TBCK: variants seen among roughly 807,000 people sequenced by gnomAD.
TBCK encodes the protein TBC1 domain containing kinase.
Under a neutral mutation model 113.4 loss-of-function variants are expected in TBCK, and 99 were observed. The ratio of observed to expected loss-of-function variants is 0.87; its 90% CI spans 0.74 to 1.03. TBCK has a LOEUF of 1.03. Among genes scored for constraint, TBCK ranks in the 50% least tolerant of loss-of-function variants. The pLI is 0.00. For synonymous variants in TBCK, 369 were observed against 370.8 expected (o/e 1.00, Z 0.05); for missense variants, 1,045 against 1,061.3 (o/e 0.98, Z 0.21).
chr4:106,227,841 A>G (rs1269649569), intron 19 of TBCK, among the ~76,000 whole-genome samples: 1 of 152,008 alleles, frequency 6.6e-6, no homozygotes, highest in Admixed American at 6.6e-5. Context: ...TTGAAAGGAT[A>G]TAAAACAGTA....
chr4:106,315,179 C>A (rs1211255453), intron 1 of TBCK, among the ~76,000 whole-genome samples: 1 of 152,074 alleles, frequency 6.6e-6, no homozygotes, highest in Admixed American at 6.6e-5. Flanking sequence ...AGGGAAACAG[C>A]AGTGCAAGCA....
At chr4:106,171,649 G>A (rs1377518803) in intron 22 of TBCK, among the ~76,000 whole-genome samples, 3 of 152,046 alleles carry the variant, frequency 2.0e-5, no homozygotes, top group Non-Finnish European at 4.4e-5. Flanking sequence ...CTTTTCCAAT[G>A]TGAAACAAAA....
At chr4:106,057,932 G>A (rs1180808652) in intron 25 of TBCK, among the ~76,000 whole-genome samples, 1 of 151,670 alleles carries the variant, frequency 6.6e-6, no homozygotes, top group African/African-American at 2.4e-5. Flanking sequence ...CCATTTGTAG[G>A]CATTCACTGT....
chr4:106,283,919 G>A (rs1207006308), intron 3 of TBCK, among the ~76,000 whole-genome samples: 1 of 152,152 alleles, frequency 6.6e-6, no homozygotes, highest in Admixed American at 6.5e-5. Flanking sequence ...CTGTTTGTTA[G>A]TGAAGATTTA....
At chr4:106,172,373 C>A (rs1483054715) in intron 22 of TBCK, among the ~76,000 whole-genome samples, 1 of 151,936 alleles carries the variant, frequency 6.6e-6, no homozygotes, top group Non-Finnish European at 1.5e-5. Flanking sequence ...TTTAGGAGGC[C>A]AACAGTCCTG....
chr4:106,234,415 G>A (rs1759222233), intron 15 of TBCK, among the ~76,000 whole-genome samples: 1 of 152,076 alleles, frequency 6.6e-6, no homozygotes, highest in Non-Finnish European at 1.5e-5. Context: ...TTCAAACAGA[G>A]GATTGAAAAG....
chr4:106,152,366 A>G (rs59784613), intron 23 of TBCK, among the ~76,000 whole-genome samples: 27,476 of 151,870 alleles, frequency 0.18, 2,476 homozygotes, highest in South Asian at 0.25. Context: ...ACCTTATTCT[A>G]TTGATATGAC....
At chr4:106,179,439 T>A (rs1348801344) in intron 22 of TBCK, among the ~76,000 whole-genome samples, 4 of 152,008 alleles carry the variant, frequency 2.6e-5, no homozygotes, top group Non-Finnish European at 5.9e-5. Flanking sequence ...ATATTTCCAT[T>A]TTCATTTGCA....
At position 106,041,791 on chromosome 4, in the gene TBCK, T is replaced by C. The variant is rs553804296; in HGVS notation, c.*4779A>G. The C allele has an allele frequency of 3.9e-5, 6 of 152,310 alleles. No individual in the cohort carries two copies. Among genetic ancestry groups the C allele is most frequent in the South Asian group, 2.1e-4 (1 of 4,832 alleles). 9.4% of individuals were successfully genotyped at this position (152,310 alleles called of 1,614,324 possible). On this transcript the variant is annotated 3_prime_UTR_variant, in exon 26 of 26. Transcript: ENST00000394708. Reference sequence around the variant, plus strand: ...AGCTATACAGATCACAATCTATCTATAGAACACTGAATATGCCAAGATCCA... The same window carrying C: ...AGCTATACAGATCACAATCTATCTACAGAACACTGAATATGCCAAGATCCA...
chr4:106,096,165 TG>T (rs1326735070), intron 24 of TBCK, among the ~76,000 whole-genome samples: 1 of 152,224 alleles, frequency 6.6e-6, no homozygotes. Context: ...TTTATGATCA[TG>T]GGTAGATTAC....
At chr4:106,050,993 TTC>T (rs1734744596) in intron 25 of TBCK, among the ~76,000 whole-genome samples, 2 of 151,990 alleles carry the variant, frequency 1.3e-5, no homozygotes. Context: ...CTATCTTGTT[TTC>T]TCTCTTTATC....
chr4:106,066,379 G>A (rs1736637576), intron 25 of TBCK, among the ~76,000 whole-genome samples: 1 of 151,866 alleles, frequency 6.6e-6, no homozygotes, highest in Non-Finnish European at 1.5e-5. Context: ...ACCTTCAGAG[G>A]TTAAAAAAGA....
chr4:106,231,630 G>T, intron 18 of TBCK, 99 bp downstream of exon 18: 1 of 1,026,180 alleles, frequency 9.7e-7, no homozygotes, highest in South Asian at 1.5e-5. Context: ...ACCAGGGAGA[G>T]AATAAGAGCC....
At chr4:106,303,446 T>C (rs1657877110) in intron 2 of TBCK, among the ~76,000 whole-genome samples, 1 of 152,180 alleles carries the variant, frequency 6.6e-6, no homozygotes, top group Admixed American at 6.5e-5. Flanking sequence ...CACAATTTTA[T>C]ATGTAATTTG....
intron 2 of TBCK, among the ~76,000 whole-genome samples, chr4:106,302,951 G>T (rs1259985027): frequency 1.3e-5 from 2 of 152,146 alleles, no homozygotes; most frequent in Non-Finnish European, 2.9e-5. Context: ...TTAACTCACT[G>T]AAAGTTATTT....
intron 5 of TBCK, among the ~76,000 whole-genome samples, chr4:106,258,627 T>G (rs776580712): frequency 4.6e-5 from 7 of 151,976 alleles, no homozygotes; most frequent in Non-Finnish European, 8.8e-5. Context: ...CTTTCTTCGA[T>G]TCATCACTGA....
intron 13 of TBCK, 24 bp from the exon 14 acceptor site, chr4:106,236,543 A>T (rs1759487859): frequency 9.3e-6 from 3 of 322,860 alleles, no homozygotes; most frequent in Admixed American, 7.0e-5. Context: ...CAAAAGCAAT[A>T]AAAAAAAAAA....
chr4:106,203,768 C>T (rs1755146567), intron 20 of TBCK, among the ~76,000 whole-genome samples: 1 of 151,962 alleles, frequency 6.6e-6, no homozygotes, highest in African/African-American at 2.4e-5. Context: ...CTACAAAAAA[C>T]TTTTCAAAAT....
chr4:106,080,748 G>A (rs1239131799), intron 25 of TBCK, among the ~76,000 whole-genome samples: 3 of 151,968 alleles, frequency 2.0e-5, no homozygotes, highest in Non-Finnish European at 4.4e-5. Flanking sequence ...CCTACAAAAT[G>A]GAAGAAAATT....
Sources: gnomAD v4.1 joint callset for allele counts (sites outside exome capture counted in the v4.1 genomes callset) on GRCh38, gnomAD v4.1.1 for gene constraint, MANE v1.5 for transcripts, NCBI Gene and HGNC (gene_info 2026-07-23, HGNC 2026-07-21) for gene names.